Variants in PTPRK observed in about 807,000 individuals in gnomAD.
PTPRK encodes receptor-type tyrosine-protein phosphatase kappa.
In PTPRK, 75 loss-of-function variants were observed where a neutral mutation model predicts 178.0. The observed-to-expected ratio is 0.42, with a 90% CI of 0.35 to 0.51. PTPRK has a LOEUF of 0.51. Among genes scored for constraint, PTPRK ranks in the 20% least tolerant of loss-of-function variants. The pLI is 0.02. For synonymous variants in PTPRK, 637 were observed against 620.6 expected (o/e 1.03, Z -0.39); for missense variants, 1,441 against 1,797.8 (o/e 0.80, Z 3.59).
Position 127,998,757 on chromosome 6 carries a change from T to C in PTPRK, c.2642A>G (p.Lys881Arg), listed in dbSNP as rs1328523387. ...ADLLQHINLM[K>R]TSDSYGFKEE... ...TTTGAACCCATAGCTGTCTGATGTC[T>C]TCATGAGATTAATGTGCTGCAGTAA... Residue 881 changes from lysine to arginine, a missense_variant, in exon 16 of 30, where the codon AAG (lysine) becomes AGG (arginine). Physicochemically the swap from Lys to Arg is conservative, Grantham distance 26. Coordinates refer to ENST00000368226, the MANE Select transcript of PTPRK (RefSeq NM_002844.4). 2 of 1,606,804 alleles carry C rather than the reference T, an allele frequency of 1.2e-6. No individual in the cohort carries two copies. The highest frequency in any genetic ancestry group is 1.1e-5 in the South Asian group (1 of 90,224).
chr6:128,272,406 T>G (rs1486304226), intron 3 of PTPRK, among the ~76,000 whole-genome samples: 2 of 152,018 alleles, frequency 1.3e-5, no homozygotes, highest in East Asian at 3.9e-4. Flanking sequence ...GAAACTACCA[T>G]CAGAGTGAAC....
intron 13 of PTPRK, among the ~76,000 whole-genome samples, chr6:128,019,708 C>T (rs1172701370): frequency 6.6e-6 from 1 of 152,264 alleles, no homozygotes; most frequent in East Asian, 1.9e-4. Context: ...CAGAGAATAT[C>T]TCCACTCTCG....
intron 6 of PTPRK, among the ~76,000 whole-genome samples, chr6:128,185,626 CTAAAGAAAG>C (rs1287939216): frequency 6.6e-6 from 1 of 151,892 alleles, no homozygotes; most frequent in Non-Finnish European, 1.5e-5. Flanking sequence ...GTCAAAAGAC[CTAAAGAAAG>C]TGTTAATAAA....
At chr6:128,128,044 C>A (rs1279846917) in intron 7 of PTPRK, among the ~76,000 whole-genome samples, 3 of 152,000 alleles carry the variant, frequency 2.0e-5, no homozygotes, top group Non-Finnish European at 4.4e-5. Flanking sequence ...AAGTTAAGGC[C>A]AATATATGAT....
chr6:128,172,747 C>T (rs941949080), intron 7 of PTPRK, among the ~76,000 whole-genome samples: 11 of 150,732 alleles, frequency 7.3e-5, no homozygotes, highest in African/African-American at 2.2e-4. Context: ...TACACACGTA[C>T]ATATAAGTGT....
At chr6:128,394,295 A>T (rs1562430366) in intron 2 of PTPRK, among the ~76,000 whole-genome samples, 1 of 152,090 alleles carries the variant, frequency 6.6e-6, no homozygotes, top group Non-Finnish European at 1.5e-5. Context: ...GGTTGTTTTT[A>T]GCTTGGAACT....
intron 3 of PTPRK, among the ~76,000 whole-genome samples, chr6:128,274,805 C>T (rs1820452094): frequency 6.6e-6 from 1 of 151,958 alleles, no homozygotes; most frequent in Non-Finnish European, 1.5e-5. Flanking sequence ...TCTGTTTGAA[C>T]CATTTTAGAT....
intron 6 of PTPRK, among the ~76,000 whole-genome samples, chr6:128,192,457 C>A (rs927191311): frequency 7.9e-5 from 12 of 152,204 alleles, no homozygotes; most frequent in East Asian, 3.9e-4. Context: ...AAGTTCAATA[C>A]TATTATTATA....
chr6:128,272,815 T>C (rs1203949332), intron 3 of PTPRK, among the ~76,000 whole-genome samples: 1 of 152,136 alleles, frequency 6.6e-6, no homozygotes, highest in Non-Finnish European at 1.5e-5. Context: ...TCCTCAAGGA[T>C]CTAGAACTAG....
At chr6:128,081,671 A>G (rs1784847576) in intron 10 of PTPRK, among the ~76,000 whole-genome samples, 1 of 152,000 alleles carries the variant, frequency 6.6e-6, no homozygotes. Context: ...TTTATTTTTC[A>G]AATTTAACTC....
intron 2 of PTPRK, among the ~76,000 whole-genome samples, chr6:128,347,304 CT>C (rs1207393943): frequency 6.6e-6 from 1 of 152,064 alleles, no homozygotes; most frequent in Non-Finnish European, 1.5e-5. Flanking sequence ...ACTTCTATCC[CT>C]TTATGACCGT....
At chr6:128,241,948 ATTTTTTTT>A (rs1202951832) in intron 4 of PTPRK, among the ~76,000 whole-genome samples, 1 of 126,256 alleles carries the variant, frequency 7.9e-6, no homozygotes, top group Non-Finnish European at 1.7e-5. Context: ...CGCCTGGCTA[ATTTTTTTT>A]TTTTTTTTTT....
chr6:128,426,779 G>A (rs73589573), intron 1 of PTPRK, among the ~76,000 whole-genome samples: 2,125 of 152,168 alleles, frequency 0.014, 41 homozygotes, highest in African/African-American at 0.048. Flanking sequence ...ACATAAGGTC[G>A]ACTTACAAAG....
intron 1 of PTPRK, among the ~76,000 whole-genome samples, chr6:128,417,987 C>T (rs1843029336): frequency 6.6e-6 from 1 of 152,128 alleles, no homozygotes; most frequent in Non-Finnish European, 1.5e-5. Context: ...GTAAAAATGC[C>T]TAGGTGCAAG....
Position 128,078,857 on chromosome 6 carries a change from T to C in PTPRK, c.1839A>G (p.Ile613Met). The change falls in exon 11 of 30, where the codon ATA (isoleucine) becomes ATG (methionine). Residue 613 changes from isoleucine (I) to methionine (M), a missense_variant. Physicochemically the swap from Ile to Met is conservative, Grantham distance 10. Coordinates refer to ENST00000368226, the MANE Select transcript of PTPRK (RefSeq NM_002844.4). The part of the protein sequence containing the change: ...DASLNETATT[I>M]TVLLRPAQAK... ...CTTGTGCTGGTCTCAACAATACAGTTATTGTGGTGGCAGTTTCATTGAGAG... is the reference window on the plus strand; with the variant it reads ...CTTGTGCTGGTCTCAACAATACAGTCATTGTGGTGGCAGTTTCATTGAGAG... The C allele has an allele frequency of 6.2e-7, 1 of 1,612,436 alleles. No individual in the cohort carries two copies. Among genetic ancestry groups the C allele is most frequent in the Non-Finnish European group, 8.5e-7 (1 of 1,178,852 alleles).
chr6:128,475,968 A>C (rs1199668577), intron 1 of PTPRK, among the ~76,000 whole-genome samples: 1 of 152,104 alleles, frequency 6.6e-6, no homozygotes, highest in Non-Finnish European at 1.5e-5. Flanking sequence ...GTAGCATTCT[A>C]CTAAGTCTTT....
chr6:128,449,605 A>AT (rs915220873), intron 1 of PTPRK, among the ~76,000 whole-genome samples: 73 of 151,754 alleles, frequency 4.8e-4, no homozygotes, highest in Admixed American at 1.2e-3. Context: ...AAAAACAATG[A>AT]TTTTTTTTTC....
chr6:128,045,376 T>C (rs985475507), intron 13 of PTPRK, among the ~76,000 whole-genome samples: 1 of 151,928 alleles, frequency 6.6e-6, no homozygotes, highest in African/African-American at 2.4e-5. Flanking sequence ...GGTTAAAAAA[T>C]CAACTACTTT....
intron 12 of PTPRK, among the ~76,000 whole-genome samples, chr6:128,067,188 C>A (rs922972345): frequency 2.0e-5 from 3 of 152,170 alleles, no homozygotes; most frequent in African/African-American, 7.2e-5. Flanking sequence ...GAAGACAGAA[C>A]AATGCCTGAT....
Sources: allele counts gnomAD v4.1 joint callset (sites outside exome capture counted in the v4.1 genomes callset), GRCh38; gene constraint gnomAD v4.1.1; transcripts MANE v1.5; gene names NCBI Gene and HGNC (gene_info 2026-07-23, HGNC 2026-07-21).